ABHD2: variants seen among roughly 807,000 people sequenced by gnomAD.
The protein encoded by ABHD2 is monoacylglycerol lipase ABHD2.
In ABHD2, 20 loss-of-function variants were observed where a neutral mutation model predicts 48.1. The observed-to-expected ratio is 0.42, with a 90% CI of 0.29 to 0.60. The LOEUF (loss-of-function observed/expected upper bound fraction) is 0.60, where lower values mean the gene tolerates loss of function less well. ABHD2 is among the 20% of genes least tolerant of loss of function. The probability of loss-of-function intolerance (pLI) is 0.24; values close to 1 mark genes in which losing one functional copy is unlikely to be tolerated. For missense variants in ABHD2, 405 were observed against 550.9 expected, an observed-to-expected ratio of 0.74 and a Z score of 2.65; for synonymous variants, 209 against 214.2, an observed-to-expected ratio of 0.98 and a Z score of 0.21.
At chr15:89,060,169 C>G in the ABHD2 span, among the ~76,000 whole-genome samples, 1 of 144,624 alleles carries the variant, frequency 6.9e-6, no homozygotes, top group Admixed American at 7.3e-5. Flanking sequence ...CAGCTCACTG[C>G]AACGTCCATC....
the ABHD2 span, among the ~76,000 whole-genome samples, chr15:89,077,914 A>G: frequency 6.6e-6 from 1 of 152,238 alleles, no homozygotes; most frequent in African/African-American, 2.4e-5. Context: ...TATGACTCCA[A>G]ATCCCCTTGT....
intron 3 of ABHD2, among the ~76,000 whole-genome samples, chr15:89,121,596 C>G (rs1400626250): frequency 6.6e-6 from 1 of 151,998 alleles, no homozygotes; most frequent in Non-Finnish European, 1.5e-5. Flanking sequence ...CAAAAGTGTA[C>G]TATGACCTCC....
In ABHD2 at chr15:89,161,193, C is replaced by T. The variant is rs141802689; in HGVS notation, c.538+5659C>T. 8.7e-3 allele frequency among the ~76,000 whole-genome samples: 1,328 copies of T among 152,136 alleles called. 8 individuals are homozygous for T. The highest frequency in any genetic ancestry group is 0.012 in the Non-Finnish European group (825 of 67,994). On this transcript the variant is annotated intron_variant, in intron 5 of 10. Coordinates refer to ENST00000352732, the MANE Select transcript of ABHD2 (RefSeq NM_152924.5). The stretch of plus-strand genomic sequence containing the variant: ...TTCAGAGCCACAGATACAGGTTTTA[C>T]TCCTTGTTCCCTCATTAGTTTTATT...
Position 89,185,369 on chromosome 15 carries a change from C to A in ABHD2, c.723-55C>A. 6.8e-7 allele frequency: 1 copy of A among 1,477,446 alleles called. No individual in the cohort carries two copies. The highest frequency in any genetic ancestry group is 9.4e-7 in the Non-Finnish European group (1 of 1,059,436). The allele number at this position is 1,477,446 out of a possible 1,614,324, so 91.5% of individuals were successfully genotyped here. On this transcript the variant is annotated intron_variant, in intron 6 of 10. Coordinates refer to ENST00000352732, the MANE Select transcript of ABHD2 (RefSeq NM_152924.5). This position sits in a 1 kb window ranked among gnomAD's most constrained non-coding sequence, Gnocchi z 5.9. ...CCCCATGGCTAGAGCCCCCTCCTGGCTGCCCGCCTGCACCCCCACACCGCA... is the reference window on the plus strand; with the variant it reads ...CCCCATGGCTAGAGCCCCCTCCTGGATGCCCGCCTGCACCCCCACACCGCA...
chr15:89,074,096 G>C, the ABHD2 span, among the ~76,000 whole-genome samples: 1 of 152,056 alleles, frequency 6.6e-6, no homozygotes, highest in African/African-American at 2.4e-5. Context: ...CACCTGGGCC[G>C]GGCATGGTGG....
chr15:89,041,347 T>C, the ABHD2 span: 9 of 152,228 alleles, frequency 5.9e-5, no homozygotes, highest in African/African-American at 1.7e-4. Flanking sequence ...TGGTTTGCAA[T>C]AGAATGGAGG....
rs2049715877 is a variant in ABHD2 at position 89,102,442 on chromosome 15, G to A, written c.-106-11283G>A. ...GTCCCTGTGGGGAGTGAGGTGGAAT[G>A]TCAGGAGGGCGTAGTTTGCAAAACA... On this transcript the variant is annotated intron_variant, in intron 1 of 10. Transcript: ENST00000352732. This position sits in a 1 kb window ranked among gnomAD's most constrained non-coding sequence, Gnocchi z 4.8. 6.6e-6 allele frequency: 1 copy of A among 152,240 alleles called. No homozygotes were observed. The highest frequency in any genetic ancestry group is 1.5e-5 in the Non-Finnish European group (1 of 68,060). The allele number at this position is 152,240 out of a possible 1,614,324, so 9.4% of individuals were successfully genotyped here. A position where few individuals can be genotyped will look rare whatever the true frequency, so the allele number is the denominator to read the frequency against.
Position 89,151,660 on chromosome 15 carries a change from C to G in ABHD2, c.195-17C>G, listed in dbSNP as rs1323666922. The stretch of plus-strand genomic sequence containing the variant: ...AAGGAATGTAGAGAAAATTGACCTC[C>G]CTTGTCCTTTCTTTAGATACATTCC... On this transcript the variant is annotated splice_polypyrimidine_tract_variant and intron_variant, in intron 3 of 10. Coordinates refer to ENST00000352732, the MANE Select transcript of ABHD2 (RefSeq NM_152924.5). The surrounding 1 kb of genome is among the most constrained non-coding windows in gnomAD (Gnocchi z 4.7). 2 of 1,609,170 alleles carry G rather than the reference C, an allele frequency of 1.2e-6. No individual in the cohort carries two copies. The highest frequency in any genetic ancestry group is 1.7e-6 in the Non-Finnish European group (2 of 1,176,754).
At chr15:89,049,857 G>T in the ABHD2 span, among the ~76,000 whole-genome samples, 14 of 152,290 alleles carry the variant, frequency 9.2e-5, no homozygotes, top group African/African-American at 3.1e-4. Flanking sequence ...CTTTTGCATC[G>T]CTCATGCTGG....
intron 3 of ABHD2, among the ~76,000 whole-genome samples, chr15:89,128,583 T>C (rs980693461): frequency 2.6e-5 from 4 of 152,214 alleles, no homozygotes; most frequent in Non-Finnish European, 5.9e-5. Context: ...AAAATGATCT[T>C]GGTGCTGCTT....
At chr15:89,187,047 C>T (rs1279626777) in intron 7 of ABHD2, among the ~76,000 whole-genome samples, 1 of 152,202 alleles carries the variant, frequency 6.6e-6, no homozygotes, top group Admixed American at 6.5e-5. Flanking sequence ...CACTGAGGTG[C>T]GTGTAGCTCA....
At chr15:89,072,353 G>A in the ABHD2 span, among the ~76,000 whole-genome samples, 6 of 151,976 alleles carry the variant, frequency 3.9e-5, no homozygotes, top group Non-Finnish European at 1.5e-5. Context: ...GTGGGGGCCT[G>A]TAGTCCCAGC....
chr15:89,181,228 C>CAAAAAAAAAAAAA (rs61411388), intron 6 of ABHD2, among the ~76,000 whole-genome samples: 3 of 69,162 alleles, frequency 4.3e-5, no homozygotes, highest in East Asian at 9.1e-4. Context: ...GACTCTGTCT[C>CAAAAAAAAAAAAA]AAAAAAAAAA....
Position 89,122,917 on chromosome 15 carries a change from C to G in ABHD2, c.194+6396C>G, listed in dbSNP as rs116800627. Among the ~76,000 whole-genome samples the G allele has an allele frequency of 3.9e-3, 598 of 152,334 alleles. 2 individuals are homozygous for G. Among genetic ancestry groups the G allele is most frequent in the African/African-American group, 0.013 (550 of 41,574 alleles). The stretch of plus-strand genomic sequence containing the variant: ...AAAACAGAGAGTTGAGTTGTCTTCA[C>G]TGGATCCAAGAGACATCTAGAAGCC... On this transcript the variant is annotated intron_variant, in intron 3 of 10. Transcript: ENST00000352732.
the ABHD2 span, among the ~76,000 whole-genome samples, chr15:89,060,486 T>A: frequency 6.6e-6 from 1 of 151,922 alleles, no homozygotes; most frequent in Admixed American, 6.6e-5. Flanking sequence ...AACACAGATA[T>A]AAAAACCTAA....
the ABHD2 span, among the ~76,000 whole-genome samples, chr15:89,051,941 G>T: frequency 8.4e-4 from 128 of 152,274 alleles, no homozygotes; most frequent in African/African-American, 2.8e-3. Flanking sequence ...AACAGGACTC[G>T]TGAGAAGCTA....
In ABHD2 at chr15:89,174,486, G is replaced by A. The variant is rs971470936; in HGVS notation, c.539-1326G>A. The stretch of plus-strand genomic sequence containing the variant: ...TGCAGCTTAAGAACTGCATGGGGCT[G>A]TGCCGGCCTGGCTTAGGCTACATCC... On this transcript the variant is annotated intron_variant, in intron 5 of 10. Coordinates refer to ENST00000352732, the MANE Select transcript of ABHD2 (RefSeq NM_152924.5). The surrounding 1 kb of genome is among the most constrained non-coding windows in gnomAD (Gnocchi z 4.1). 2.6e-5 allele frequency among the ~76,000 whole-genome samples: 4 copies of A among 152,186 alleles called. No homozygotes were observed. Among genetic ancestry groups the A allele is most frequent in the African/African-American group, 9.7e-5 (4 of 41,436 alleles).
the ABHD2 span, among the ~76,000 whole-genome samples, chr15:89,043,037 T>C: frequency 6.6e-6 from 1 of 152,132 alleles, no homozygotes; most frequent in African/African-American, 2.4e-5. Context: ...CGGCTTGCCG[T>C]AATCTGCTTT....
intron 6 of ABHD2, among the ~76,000 whole-genome samples, chr15:89,180,926 A>G (rs1355894837): frequency 6.6e-6 from 1 of 152,236 alleles, no homozygotes; most frequent in Non-Finnish European, 1.5e-5. Context: ...GACAGAATGT[A>G]TATATTAAAA....
Sources: allele counts gnomAD v4.1 joint callset (sites outside exome capture counted in the v4.1 genomes callset), GRCh38; gene constraint gnomAD v4.1.1; non-coding constraint Gnocchi (gnomAD v3.1); transcripts MANE v1.5; gene names NCBI Gene and HGNC (gene_info 2026-07-23, HGNC 2026-07-21).